LCLAT1: variants seen among roughly 807,000 people sequenced by gnomAD.
The protein encoded by LCLAT1 is 1-AGP acyltransferase 8.
LCLAT1 carries 11 observed loss-of-function variants against 30.7 expected under a neutral mutation model. The ratio of observed to expected loss-of-function variants is 0.36; its 90% CI spans 0.23 to 0.59. LCLAT1 has a LOEUF of 0.59. LCLAT1 is among the 20% of genes least tolerant of loss of function. The probability of loss-of-function intolerance (pLI) is 0.77; values close to 1 mark genes in which losing one functional copy is unlikely to be tolerated. For synonymous variants in LCLAT1, 155 were observed against 151.3 expected (o/e 1.02, Z -0.18); for missense variants, 402 against 458.6 (o/e 0.88, Z 1.13).
At chr2:30,530,542 C>A (rs1186990066) in intron 2 of LCLAT1, among the ~76,000 whole-genome samples, 1 of 152,138 alleles carries the variant, frequency 6.6e-6, no homozygotes, top group African/African-American at 2.4e-5. Flanking sequence ...GACACATGGT[C>A]TTGATTGTTG....
At chr2:30,480,280 T>C (rs1307979758) in intron 1 of LCLAT1, among the ~76,000 whole-genome samples, 1 of 152,124 alleles carries the variant, frequency 6.6e-6, no homozygotes, top group East Asian at 1.9e-4. Context: ...GGCTCGATCT[T>C]GGATAGCTCA....
At chr2:30,451,976 A>G (rs1387680236) in intron 1 of LCLAT1, among the ~76,000 whole-genome samples, 5 of 152,262 alleles carry the variant, frequency 3.3e-5, no homozygotes, top group Non-Finnish European at 7.3e-5. Flanking sequence ...TAAGTCAGAC[A>G]TAAGATTGTA....
intron 1 of LCLAT1, among the ~76,000 whole-genome samples, chr2:30,486,221 TG>T (rs1199536182): frequency 6.6e-6 from 1 of 152,182 alleles, no homozygotes; most frequent in East Asian, 1.9e-4. Flanking sequence ...GAAAGAACTT[TG>T]GACAGCCTTA....
chr2:30,635,930 G>A (rs570155189), intron 5 of LCLAT1, among the ~76,000 whole-genome samples: 24 of 152,256 alleles, frequency 1.6e-4, no homozygotes, highest in African/African-American at 5.8e-4. Context: ...ATTGTGCTAG[G>A]TACTGAGTCT....
intron 5 of LCLAT1, among the ~76,000 whole-genome samples, chr2:30,602,983 A>G (rs942315318): frequency 6.6e-6 from 1 of 152,220 alleles, no homozygotes; most frequent in Non-Finnish European, 1.5e-5. Context: ...AGTTAGAATC[A>G]TAATTCCATG....
Position 30,562,182 on chromosome 2 carries a change from A to G in LCLAT1, c.401A>G (p.His134Arg), listed in dbSNP as rs1022389710. 2 of 1,613,154 alleles carry G rather than the reference A, an allele frequency of 1.2e-6. No individual in the cohort carries two copies. The highest frequency in any genetic ancestry group is 1.7e-6 in the Non-Finnish European group (2 of 1,179,318). ...AMQAAAYIFI[H>R]RKWKDDKSHF... is the part of the protein sequence containing the mutation. ...CAGGCTGCTGCCTATATCTTCATTC[A>G]TAGGAAATGGAAGGATGACAAGAGC... Residue 134 changes from histidine (H) to arginine (R), a missense_variant, in exon 4 of 6, where the codon CAT (histidine) becomes CGT (arginine). By Grantham distance (29) the His-to-Arg change is conservative. Coordinates refer to ENST00000379509, the MANE Select transcript of LCLAT1 (RefSeq NM_001002257.3).
chr2:30,614,823 G>A (rs1290332126), intron 5 of LCLAT1, among the ~76,000 whole-genome samples: 1 of 152,128 alleles, frequency 6.6e-6, no homozygotes, highest in Non-Finnish European at 1.5e-5. Context: ...GTTAATAGTA[G>A]GCAGTACAAT....
chr2:30,622,503 A>C (rs1444186766), intron 5 of LCLAT1, among the ~76,000 whole-genome samples: 1 of 152,136 alleles, frequency 6.6e-6, no homozygotes, highest in Non-Finnish European at 1.5e-5. Flanking sequence ...GCCAACACAA[A>C]AAACAGCACA....
intron 5 of LCLAT1, among the ~76,000 whole-genome samples, chr2:30,571,908 C>A (rs1665795685): frequency 6.6e-6 from 1 of 152,236 alleles, no homozygotes; most frequent in African/African-American, 2.4e-5. Context: ...TCTTTTGAGG[C>A]CATTTTACAA....
At chr2:30,616,665 G>A (rs563249281) in intron 5 of LCLAT1, among the ~76,000 whole-genome samples, 2 of 152,222 alleles carry the variant, frequency 1.3e-5, no homozygotes, top group African/African-American at 4.8e-5. Context: ...TAACGTCCTA[G>A]AAATTTTTAA....
At chr2:30,556,982 G>A (rs187924921) in intron 3 of LCLAT1, among the ~76,000 whole-genome samples, 31 of 152,158 alleles carry the variant, frequency 2.0e-4, no homozygotes, top group Non-Finnish European at 7.4e-5. Context: ...AACCTCACGT[G>A]ATCCGCCTGC....
intron 1 of LCLAT1, among the ~76,000 whole-genome samples, chr2:30,495,836 T>C (rs1684082341): frequency 6.6e-6 from 1 of 152,206 alleles, no homozygotes; most frequent in Non-Finnish European, 1.5e-5. Flanking sequence ...AAACATTTTT[T>C]GTTTTTTGAT....
At chr2:30,534,275 T>TGTGTGTGTGTGTG (rs1686131825) in intron 3 of LCLAT1, among the ~76,000 whole-genome samples, 1 of 81,686 alleles carries the variant, frequency 1.2e-5, no homozygotes, top group African/African-American at 4.5e-5. Flanking sequence ...GTGTGTGTGT[T>TGTGTGTGTGTGTG]TGGGAGACGG....
At chr2:30,567,835 G>C (rs961942394) in intron 4 of LCLAT1, among the ~76,000 whole-genome samples, 1 of 152,088 alleles carries the variant, frequency 6.6e-6, no homozygotes, top group Admixed American at 6.6e-5. Context: ...CTTGTGTTTG[G>C]CTTTCGAGCA....
intron 1 of LCLAT1, among the ~76,000 whole-genome samples, chr2:30,461,312 G>A (rs1031422391): frequency 6.6e-6 from 1 of 152,184 alleles, no homozygotes; most frequent in African/African-American, 2.4e-5. Flanking sequence ...CCTTTGACAG[G>A]CATTGTGGTA....
At chr2:30,625,726 G>C (rs1668477061) in intron 5 of LCLAT1, among the ~76,000 whole-genome samples, 1 of 152,156 alleles carries the variant, frequency 6.6e-6, no homozygotes, top group East Asian at 1.9e-4. Context: ...GTCTGCTATA[G>C]TTTTGATGGG....
chr2:30,521,492 C>CTTTT (rs869093721), intron 1 of LCLAT1, among the ~76,000 whole-genome samples: 176 of 16,786 alleles, frequency 0.01, 15 homozygotes, highest in Non-Finnish European at 0.015. Context: ...ACTACTTCTT[C>CTTTT]TTTTTTTTTT....
chr2:30,625,259 AACAAC>A (rs1245319546), intron 5 of LCLAT1, among the ~76,000 whole-genome samples: 1 of 152,226 alleles, frequency 6.6e-6, no homozygotes, highest in Non-Finnish European at 1.5e-5. Flanking sequence ...ATGAAATTGA[AACAAC>A]ACAAAATACA....
chr2:30,582,088 C>T (rs1666233289), intron 5 of LCLAT1, among the ~76,000 whole-genome samples: 1 of 151,982 alleles, frequency 6.6e-6, no homozygotes, highest in South Asian at 2.1e-4. Context: ...TATATTTTTT[C>T]CTCTATACTA....
Sources: allele counts gnomAD v4.1 joint callset (sites outside exome capture counted in the v4.1 genomes callset), GRCh38; gene constraint gnomAD v4.1.1; transcripts MANE v1.5; gene names NCBI Gene and HGNC (gene_info 2026-07-23, HGNC 2026-07-21).